DAB1: variants seen among roughly 807,000 people sequenced by gnomAD.
The protein encoded by DAB1 is DAB adaptor protein 1, also known as disabled homolog 1.
DAB1 carries 15 observed loss-of-function variants against 64.6 expected under a neutral mutation model. The observed-to-expected ratio is 0.23, with a 90% CI of 0.16 to 0.36. DAB1 has a LOEUF of 0.36. Ranked by LOEUF, DAB1 falls within the 10% of genes least tolerant of loss-of-function variation. DAB1 has a pLI of 1.00. For missense variants in DAB1, 596 were observed against 706.7 expected, an observed-to-expected ratio of 0.84 and a Z score of 1.78; for synonymous variants, 235 against 251.9, an observed-to-expected ratio of 0.93 and a Z score of 0.64.
chr1:57,430,144 A>G (rs1685445034), intron 7 of DAB1, among the ~76,000 whole-genome samples: 1 of 151,842 alleles, frequency 6.6e-6, no homozygotes, highest in African/African-American at 2.4e-5. Context: ...ATTCATTTGT[A>G]TCTTCTTTAA....
intron 5 of DAB1, among the ~76,000 whole-genome samples, chr1:58,037,429 A>G (rs754409950): frequency 3.9e-5 from 6 of 152,162 alleles, no homozygotes; most frequent in African/African-American, 7.2e-5. Flanking sequence ...GCTGCACAGC[A>G]GGAGATGAGT....
chr1:57,461,734 A>C (rs968499094), intron 7 of DAB1, among the ~76,000 whole-genome samples: 3 of 152,110 alleles, frequency 2.0e-5, no homozygotes, highest in Non-Finnish European at 4.4e-5. Context: ...GCCCCTGTGC[A>C]TACCTCTATC....
chr1:57,396,371 T>G (rs1012607488), intron 1 of DAB1, among the ~76,000 whole-genome samples: 4 of 152,220 alleles, frequency 2.6e-5, no homozygotes, highest in Admixed American at 1.3e-4. Flanking sequence ...GTAAGCTGTT[T>G]TTTTGTTTTG....
intron 7 of DAB1, among the ~76,000 whole-genome samples, chr1:57,475,887 A>T (rs1204661695): frequency 2.0e-5 from 3 of 152,244 alleles, no homozygotes; most frequent in African/African-American, 7.2e-5. Context: ...GAATGCATGA[A>T]TGAATGAATA....
intron 5 of DAB1, among the ~76,000 whole-genome samples, chr1:58,100,738 C>T (rs1651266029): frequency 6.6e-6 from 1 of 152,162 alleles, no homozygotes; most frequent in Non-Finnish European, 1.5e-5. Context: ...GATCTGTAAG[C>T]CCCAGTGGAG....
intron 4 of DAB1, among the ~76,000 whole-genome samples, chr1:58,197,036 C>T (rs1657713567): frequency 6.6e-6 from 1 of 152,124 alleles, no homozygotes; most frequent in Non-Finnish European, 1.5e-5. Flanking sequence ...GAAAACCTCC[C>T]TTGAGATTCT....
At chr1:57,814,323 A>G (rs1651758020) in intron 6 of DAB1, among the ~76,000 whole-genome samples, 1 of 152,182 alleles carries the variant, frequency 6.6e-6, no homozygotes, top group South Asian at 2.1e-4. Flanking sequence ...AATATTTACA[A>G]TTATGGCCCT....
intron 1 of DAB1, among the ~76,000 whole-genome samples, chr1:57,379,249 AAAAC>A (rs957190529): frequency 2.6e-5 from 4 of 152,192 alleles, no homozygotes; most frequent in African/African-American, 4.8e-5. Flanking sequence ...TTAAAAAACA[AAAAC>A]AAACAAACAA....
intron 6 of DAB1, among the ~76,000 whole-genome samples, chr1:57,770,017 G>GT: frequency 6.6e-6 from 1 of 152,084 alleles, no homozygotes; most frequent in African/African-American, 2.4e-5. Context: ...GGCTTCTTAA[G>GT]GGCAGCATTG....
intron 3 of DAB1, among the ~76,000 whole-genome samples, chr1:58,373,053 CAGG>C (rs1644282352): frequency 6.6e-6 from 1 of 151,960 alleles, no homozygotes; most frequent in Admixed American, 6.6e-5. Flanking sequence ...GTGGAAGGAA[CAGG>C]AGTATTTCTT....
intron 7 of DAB1, among the ~76,000 whole-genome samples, chr1:57,537,176 T>C (rs1644740132): frequency 6.6e-6 from 1 of 152,248 alleles, no homozygotes; most frequent in Non-Finnish European, 1.5e-5. Flanking sequence ...TACTAGAGAT[T>C]GTATAATTAT....
chr1:57,101,146 C>T (rs1489358312), intron 4 of DAB1, among the ~76,000 whole-genome samples: 1 of 152,140 alleles, frequency 6.6e-6, no homozygotes, highest in African/African-American at 2.4e-5. Flanking sequence ...CTGGGTCTGA[C>T]TTCTACTCAG....
chr1:57,961,216 A>C (rs1321550909), intron 5 of DAB1, among the ~76,000 whole-genome samples: 1 of 152,228 alleles, frequency 6.6e-6, no homozygotes, highest in Non-Finnish European at 1.5e-5. Context: ...TTGAATTATA[A>C]TAATATACGC....
chr1:57,226,672 A>AAAAAAAATAT (rs747021990), intron 2 of DAB1, among the ~76,000 whole-genome samples: 17 of 136,012 alleles, frequency 1.2e-4, no homozygotes, highest in African/African-American at 5.3e-4. Context: ...TTAAAAAAAA[A>AAAAAAAATAT]ATATATATAT....
chr1:57,787,343 A>G (rs918022817), intron 6 of DAB1, among the ~76,000 whole-genome samples: 3 of 152,168 alleles, frequency 2.0e-5, no homozygotes, highest in African/African-American at 7.2e-5. Flanking sequence ...TAAATGGAAC[A>G]GAACAGTGTC....
chr1:57,493,661 G>C (rs1644193341), intron 7 of DAB1, among the ~76,000 whole-genome samples: 1 of 151,884 alleles, frequency 6.6e-6, no homozygotes, highest in African/African-American at 2.4e-5. Flanking sequence ...ACTGTTCCTA[G>C]AAATGCAGGA....
chr1:57,050,662 G>A (rs1649095565), intron 9 of DAB1, among the ~76,000 whole-genome samples: 1 of 152,136 alleles, frequency 6.6e-6, no homozygotes, highest in Non-Finnish European at 1.5e-5. Context: ...TTCAGGCAAA[G>A]TTTACTGCTC....
At chr1:57,849,351 TC>T (rs1653422567) in intron 1 of DAB1, among the ~76,000 whole-genome samples, 1 of 152,168 alleles carries the variant, frequency 6.6e-6, no homozygotes, top group Non-Finnish European at 1.5e-5. Context: ...TTTCAGCCTC[TC>T]CTTATTGCTC....
At chr1:57,078,852 G>A (rs1652223857) in intron 4 of DAB1, among the ~76,000 whole-genome samples, 1 of 152,210 alleles carries the variant, frequency 6.6e-6, no homozygotes, top group South Asian at 2.1e-4. Context: ...CAGAAAGAAT[G>A]TAATATCTGG....
Sources: allele counts gnomAD v4.1 joint callset (sites outside exome capture counted in the v4.1 genomes callset), GRCh38; gene constraint gnomAD v4.1.1; transcripts MANE v1.5; gene names NCBI Gene and HGNC (gene_info 2026-07-23, HGNC 2026-07-21).